The following IGF2R variants were observed in gnomAD, a reference collection of about 807,000 sequenced individuals.
IGF2R encodes insulin like growth factor 2 receptor.
IGF2R carries 91 observed loss-of-function variants against 270.6 expected under a neutral mutation model. The ratio of observed to expected loss-of-function variants is 0.34; its 90% CI spans 0.28 to 0.40. The LOEUF is 0.40. IGF2R is among the 10% of genes least tolerant of loss of function. The pLI is 1.00. For missense variants in IGF2R, 2,805 were observed against 3,188.3 expected (o/e 0.88, Z 2.90); for synonymous variants, 1,316 against 1,258.9 (o/e 1.05, Z -0.96).
chr6:160,104,348 T>G (rs1583309978), intron 47 of IGF2R, among the ~76,000 whole-genome samples: 1 of 152,008 alleles, frequency 6.6e-6, no homozygotes, highest in South Asian at 2.1e-4. Context: ...CCAGCTGCGC[T>G]GGGGGATCAC....
intron 4 of IGF2R, among the ~76,000 whole-genome samples, chr6:160,015,835 A>T (rs1373301934): frequency 6.6e-6 from 1 of 152,186 alleles, no homozygotes; most frequent in Non-Finnish European, 1.5e-5. Flanking sequence ...TGTCCTCATG[A>T]CAGTGAGTGA....
At chr6:160,010,810 T>A (rs749751760) in intron 4 of IGF2R, 25 bp downstream of exon 4, 4 of 1,305,290 alleles carry the variant, frequency 3.1e-6, no homozygotes, top group Non-Finnish European at 4.5e-6. Flanking sequence ...TCAAATTACA[T>A]GCTTATGAAG....
chr6:159,978,009 G>A (rs759445024), intron 1 of IGF2R, among the ~76,000 whole-genome samples: 8 of 152,182 alleles, frequency 5.3e-5, no homozygotes, highest in Non-Finnish European at 1.2e-4. Flanking sequence ...AGTGGTAGCA[G>A]TTGCTTTATC....
intron 1 of IGF2R, among the ~76,000 whole-genome samples, chr6:159,970,313 G>C (rs1783591067): frequency 6.6e-6 from 1 of 152,166 alleles, no homozygotes; most frequent in African/African-American, 2.4e-5. Flanking sequence ...GAAGCAGGAT[G>C]AAAAGTTTTG....
Position 160,060,648 on chromosome 6 carries a change from C to T in IGF2R, c.3193C>T (p.Arg1065Ter). The change falls in exon 23 of 48, where the codon CGA (arginine) becomes TGA (stop). Residue 1065 changes from arginine (R) to a stop codon, truncating the protein, a stop_gained. Transcript: ENST00000356956. LOFTEE classifies it high-confidence loss of function. ...HQDIDSGQGIRNTYFEFETAL... is the reference protein window; with the variant it reads ...HQDIDSGQGI ...AGATATCGACTCTGGGCAAGGGATCCGAAACACTTACTTTGAGTTTGAAAC... is the reference window on the plus strand; with the variant it reads ...AGATATCGACTCTGGGCAAGGGATCTGAAACACTTACTTTGAGTTTGAAAC... The T allele has an allele frequency of 1.2e-6, 2 of 1,614,242 alleles. No homozygotes were observed. The highest frequency in any genetic ancestry group is 1.7e-6 in the Non-Finnish European group (2 of 1,180,048).
At chr6:159,989,860 A>G (rs983460858) in intron 1 of IGF2R, among the ~76,000 whole-genome samples, 5 of 152,274 alleles carry the variant, frequency 3.3e-5, no homozygotes, top group African/African-American at 1.2e-4. Flanking sequence ...AAGAGTAGAC[A>G]TTTGAGAATA....
In IGF2R at chr6:159,997,213, G is replaced by A. The variant is rs117032049; in HGVS notation, c.289+5890G>A. 4.9e-3 allele frequency among the ~76,000 whole-genome samples: 740 copies of A among 152,284 alleles called. 4 individuals carry two copies. Among genetic ancestry groups the A allele is most frequent in the Admixed American group, 8.6e-3 (131 of 15,300 alleles). ...CCAAGGAGTGCCCCCTTGGCATGCT[G>A]TACTCTTTCTTCCCTTAGGAGCAGC... On this transcript the variant is annotated intron_variant, in intron 2 of 47. Transcript: ENST00000356956.
rs755433857 is a variant in IGF2R at position 160,050,592 on chromosome 6, C to G, written c.2634C>G (p.Ser878Arg). The G allele has an allele frequency of 1.9e-6, 3 of 1,613,980 alleles. No homozygotes were observed. Among genetic ancestry groups the G allele is most frequent in the Non-Finnish European group, 2.5e-6 (3 of 1,179,886 alleles). Residue 878 changes from serine to arginine, a missense_variant, in exon 19 of 48, where the codon AGC (serine) becomes AGG (arginine). Ser to Arg is a moderately radical substitution (Grantham distance 110, BLOSUM62 -1). Around this residue, in one of 2 missense-constraint regions of IGF2R, gnomAD observed 1,851 missense variants for 2,207.2 expected, o/e 0.84. Coordinates refer to ENST00000356956, the MANE Select transcript of IGF2R (RefSeq NM_000876.4). The surrounding 1 kb of genome is among the most constrained non-coding windows in gnomAD (Gnocchi z 4.0). ...EYVNGSACTT[S>R]DGRQTTYTTR... Reference sequence around the variant, plus strand: ...TGAATGGGTCGGCCTGCACCACCAGCGATGGCAGACAGACCACATATACCA... The same window carrying G: ...TGAATGGGTCGGCCTGCACCACCAGGGATGGCAGACAGACCACATATACCA...
At position 159,969,266 on chromosome 6, in the gene IGF2R, GGA is replaced by G; in HGVS notation, c.22_23del (p.Ser8ProfsTer49). The G allele has an allele frequency of 9.0e-7, 1 of 1,114,826 alleles. No individual in the cohort carries two copies. The highest frequency in any genetic ancestry group is 1.1e-6 in the Non-Finnish European group (1 of 916,582). 69.1% of individuals were successfully genotyped at this position (1,114,826 alleles called of 1,614,324 possible). ...GGCGCGATGGGGGCCGCCGCCGGCCGGAGCCCCCACCTGGGGCCCGCGCCCGC... is the reference window on the plus strand; with the variant it reads ...GGCGCGATGGGGGCCGCCGCCGGCCGGCCCCCACCTGGGGCCCGCGCCCGC... On this transcript the variant is annotated frameshift_variant, in exon 1 of 48. Transcript: ENST00000356956. LOFTEE classifies it high-confidence loss of function.
chr6:159,997,738 G>A (rs776574424), intron 2 of IGF2R, among the ~76,000 whole-genome samples: 1 of 152,130 alleles, frequency 6.6e-6, no homozygotes, highest in African/African-American at 2.4e-5. Flanking sequence ...CCATTCTGGC[G>A]ACGGTTGCTC....
intron 1 of IGF2R, among the ~76,000 whole-genome samples, chr6:159,971,276 G>C (rs1433267549): frequency 6.6e-6 from 1 of 152,164 alleles, no homozygotes; most frequent in Non-Finnish European, 1.5e-5. Context: ...TCTTGAACCT[G>C]TGTTCACGAA....
chr6:160,049,684 G>A (rs1005566576), intron 18 of IGF2R, among the ~76,000 whole-genome samples: 1 of 152,206 alleles, frequency 6.6e-6, no homozygotes, highest in Admixed American at 6.5e-5. Flanking sequence ...TGTTCGGAAA[G>A]TTTAGCGGGG....
intron 4 of IGF2R, among the ~76,000 whole-genome samples, chr6:160,021,913 CAAAG>C (rs1443480267): frequency 2.0e-5 from 3 of 152,096 alleles, no homozygotes; most frequent in Non-Finnish European, 4.4e-5. Flanking sequence ...ATCTGTCTGT[CAAAG>C]AGATACGTGC....
intron 41 of IGF2R, 63 bp from the exon 42 acceptor site, chr6:160,087,970 C>G (rs1779131397): frequency 9.2e-7 from 1 of 1,083,362 alleles, no homozygotes; most frequent in African/African-American, 1.5e-5. Context: ...AGCCACTGCG[C>G]CTGCCTGAGG....
intron 29 of IGF2R, 138 bp from the exon 30 acceptor site, chr6:160,068,099 TGTGTGTGTGACA>T: frequency 1.5e-6 from 1 of 653,682 alleles, no homozygotes; most frequent in Non-Finnish European, 2.7e-6. Context: ...TGTGTGTGTG[TGTGTGTGTGACA>T]GAGACAGAGA....
chr6:160,046,827 C>T (rs995329247), intron 15 of IGF2R, among the ~76,000 whole-genome samples, 182 bp downstream of exon 15: 3 of 152,188 alleles, frequency 2.0e-5, no homozygotes, highest in Non-Finnish European at 2.9e-5. Context: ...AGGAGCAGGC[C>T]CATCCTTGGG....
intron 44 of IGF2R, chr6:160,093,301 G>T: frequency 4.3e-6 from 1 of 232,912 alleles, no homozygotes. Context: ...GCCAGCCCCT[G>T]CTCCGTATCC....
At chr6:160,006,699 G>A (rs1784245420) in intron 2 of IGF2R, 1 of 152,212 alleles carries the variant, frequency 6.6e-6, no homozygotes, top group Non-Finnish European at 1.5e-5. Context: ...ATATGGGATT[G>A]GATCAGCTAT....
chr6:160,101,803 G>T (rs532896799), intron 45 of IGF2R, among the ~76,000 whole-genome samples: 2 of 152,314 alleles, frequency 1.3e-5, no homozygotes, highest in East Asian at 3.9e-4. Context: ...TTCTATTATT[G>T]TCCCAACTCT....
Sources: allele counts gnomAD v4.1 joint callset (sites outside exome capture counted in the v4.1 genomes callset), GRCh38; gene constraint gnomAD v4.1.1; regional missense constraint gnomAD v4.1.1; non-coding constraint Gnocchi (gnomAD v3.1); transcripts MANE v1.5; gene names NCBI Gene and HGNC (gene_info 2026-07-23, HGNC 2026-07-21).